The following CRACDL variants were observed in gnomAD, a reference collection of about 807,000 sequenced individuals.
CRACDL encodes the protein CRACD like.
Under a neutral mutation model 70.6 loss-of-function variants are expected in CRACDL, and 26 were observed. That is an observed-to-expected ratio of 0.37 (90% CI 0.27 to 0.51). The LOEUF (loss-of-function observed/expected upper bound fraction) is 0.51. Ranked by LOEUF, CRACDL falls within the 20% of genes least tolerant of loss-of-function variation. The pLI is 0.94. For synonymous variants in CRACDL, 618 were observed against 615.2 expected (o/e 1.00, Z -0.07); for missense variants, 1,283 against 1,376.9 (o/e 0.93, Z 1.08).
chr2:98,879,661 G>C (rs970393308), intron 1 of CRACDL, among the ~76,000 whole-genome samples: 2 of 152,178 alleles, frequency 1.3e-5, no homozygotes, highest in African/African-American at 4.8e-5. Context: ...CAATTCTCCT[G>C]CCTCAGCCTC....
intron 1 of CRACDL, among the ~76,000 whole-genome samples, chr2:98,910,290 C>T (rs920673432): frequency 5.3e-5 from 8 of 152,040 alleles, no homozygotes; most frequent in Admixed American, 2.6e-4. Flanking sequence ...GAGGCCAAGG[C>T]GGGTGAATCA....
At chr2:98,903,168 T>TCCGAG (rs1708324675) in intron 1 of CRACDL, among the ~76,000 whole-genome samples, 1 of 152,036 alleles carries the variant, frequency 6.6e-6, no homozygotes, top group Non-Finnish European at 1.5e-5. Context: ...AGCTCACTTC[T>TCCGAG]CCGAGCCCCG....
chr2:98,820,953 A>G (rs915905796), intron 7 of CRACDL, among the ~76,000 whole-genome samples: 1 of 152,224 alleles, frequency 6.6e-6, no homozygotes, highest in Admixed American at 6.5e-5. Context: ...TATAGCCAAG[A>G]AATAGCTTAG....
chr2:98,827,494 G>A (rs924693612), intron 5 of CRACDL, among the ~76,000 whole-genome samples: 2 of 152,190 alleles, frequency 1.3e-5, no homozygotes, highest in Non-Finnish European at 2.9e-5. Context: ...GTTTCACCAT[G>A]TTGGCCAGGC....
At chr2:98,816,899 C>T (rs955100655) in intron 7 of CRACDL, among the ~76,000 whole-genome samples, 9 of 152,192 alleles carry the variant, frequency 5.9e-5, no homozygotes, top group African/African-American at 1.4e-4. Context: ...GATATTAACA[C>T]CCCCTGTTCA....
intron 1 of CRACDL, among the ~76,000 whole-genome samples, chr2:98,900,403 G>A (rs1003208746): frequency 1.3e-5 from 2 of 151,406 alleles, no homozygotes; most frequent in African/African-American, 4.9e-5. Context: ...CTCAGTGGGA[G>A]GGGAGGCAGG....
At chr2:98,913,290 T>C (rs957488629) in intron 1 of CRACDL, among the ~76,000 whole-genome samples, 1 of 151,946 alleles carries the variant, frequency 6.6e-6, no homozygotes, top group Admixed American at 6.6e-5. Flanking sequence ...GTGTGTGGAG[T>C]GCTGTCTAGA....
Position 98,838,133 on chromosome 2 carries a change from G to A in CRACDL, c.225C>T (p.Ser75=), listed in dbSNP as rs557426694. ...AIESGPVGYD[S]EDELEESRGT... is the part of the protein sequence containing the mutation. ...ATGCAACTTACTCCAGCTCATCCTC[G>A]GAGTCGTAGCCCACTGGCCCGGATT... The change falls in exon 3 of 10, where the codon TCC becomes TCT. Residue 75 remains serine, a synonymous_variant. Transcript: ENST00000397899. The A allele has an allele frequency of 7.5e-6, 12 of 1,606,002 alleles. No individual in the cohort carries two copies. In the African/African-American group the frequency reaches 1.1e-4, roughly 14 times the overall value.
intron 1 of CRACDL, among the ~76,000 whole-genome samples, chr2:98,904,508 A>T (rs1334813933): frequency 6.6e-6 from 1 of 152,246 alleles, no homozygotes; most frequent in Non-Finnish European, 1.5e-5. Context: ...ATCTGAGCAG[A>T]TGAAGACGTC....
rs149853319 is a variant in CRACDL, at chr2:98,855,837, A to G, written c.-10-9027T>C. On this transcript the variant is annotated intron_variant, in intron 1 of 9. Coordinates refer to ENST00000397899, the MANE Select transcript of CRACDL (RefSeq NM_207362.3). ...GAAAATTCTTGAGTTGAAAAGTACAATAAGTGAAATGAGAAAATTCACTGA... is the reference window on the plus strand; with the variant it reads ...GAAAATTCTTGAGTTGAAAAGTACAGTAAGTGAAATGAGAAAATTCACTGA... Among the ~76,000 whole-genome samples the G allele has an allele frequency of 1.2e-3, 182 of 152,364 alleles. 1 individual carries two copies. The highest frequency in any genetic ancestry group is 4.2e-3 in the African/African-American group (173 of 41,594).
At chr2:98,880,386 T>C (rs895071496) in intron 1 of CRACDL, among the ~76,000 whole-genome samples, 1 of 152,232 alleles carries the variant, frequency 6.6e-6, no homozygotes, top group African/African-American at 2.4e-5. Flanking sequence ...AAGTAGCTGA[T>C]ATATGCTTAC....
chr2:98,827,315 T>C (rs902098891), intron 5 of CRACDL, 146 bp from the exon 6 acceptor site: 56 of 615,684 alleles, frequency 9.1e-5, no homozygotes, highest in South Asian at 3.8e-4. Context: ...TCTTTTTTTT[T>C]CCCCCAAGAT....
chr2:98,832,317 G>A (rs1559222410), intron 5 of CRACDL, 31 bp downstream of exon 5: 2 of 1,612,896 alleles, frequency 1.2e-6, no homozygotes, highest in South Asian at 2.2e-5. Flanking sequence ...AGGTGTGGAT[G>A]AAGACATGCA....
At chr2:98,880,143 T>C (rs1179434795) in intron 1 of CRACDL, among the ~76,000 whole-genome samples, 1 of 152,230 alleles carries the variant, frequency 6.6e-6, no homozygotes, top group African/African-American at 2.4e-5. Context: ...CTCCTATTGG[T>C]ACAGGTTATG....
At chr2:98,795,240 G>T (rs4851160) in intron 9 of CRACDL, among the ~76,000 whole-genome samples, 7,582 of 150,764 alleles carry the variant, frequency 0.05, 237 homozygotes, top group East Asian at 0.11. Context: ...CATGCCTGTC[G>T]AATTTTTGTA....
rs764688697 is a variant in CRACDL, at chr2:98,823,110, G to A, written c.1163C>T (p.Ala388Val). 3.2e-6 allele frequency: 5 copies of A among 1,577,266 alleles called. No homozygotes were observed. In the South Asian group the frequency reaches 5.8e-5, roughly 18 times the overall value. The change falls in exon 7 of 10, where the codon GCG (alanine) becomes GTG (valine). Residue 388 changes from alanine (A) to valine (V), a missense_variant. Around this residue, in one of 2 missense-constraint regions of CRACDL, gnomAD observed 921 missense variants for 881.9 expected, o/e 1.04. Transcript: ENST00000397899. The surrounding 1 kb of genome is among the most constrained non-coding windows in gnomAD (Gnocchi z 4.0). ...TTCGGGAGCACAGACCACCTCCTCCGCCTTGTCCGTGGCCGGGGCACACGG... is the reference window on the plus strand; with the variant it reads ...TTCGGGAGCACAGACCACCTCCTCCACCTTGTCCGTGGCCGGGGCACACGG... ...AGPCAPATDK[A>V]EEVVCAPEDV...
At chr2:98,844,516 C>T (rs1573054358) in intron 2 of CRACDL, among the ~76,000 whole-genome samples, 1 of 152,290 alleles carries the variant, frequency 6.6e-6, no homozygotes, top group East Asian at 1.9e-4. Flanking sequence ...TAGGAGCCCA[C>T]CCTATTCCAA....
chr2:98,901,205 G>A (rs948590152), intron 1 of CRACDL, among the ~76,000 whole-genome samples: 1 of 152,144 alleles, frequency 6.6e-6, no homozygotes, highest in Admixed American at 6.5e-5. Context: ...GTTAAATGCC[G>A]ATGTGTTGGC....
At chr2:98,895,864 G>C (rs889672232) in intron 1 of CRACDL, among the ~76,000 whole-genome samples, 5 of 152,102 alleles carry the variant, frequency 3.3e-5, no homozygotes, top group African/African-American at 1.2e-4. Flanking sequence ...TGGGGCTGGG[G>C]CCTTCATGAA....
Sources: allele counts gnomAD v4.1 joint callset (sites outside exome capture counted in the v4.1 genomes callset), GRCh38; gene constraint gnomAD v4.1.1; regional missense constraint gnomAD v4.1.1; non-coding constraint Gnocchi (gnomAD v3.1); transcripts MANE v1.5; gene names NCBI Gene and HGNC (gene_info 2026-07-23, HGNC 2026-07-21).